Variants in DDX46 observed in about 807,000 individuals in gnomAD.
DDX46 encodes DEAD-box helicase 46.
A neutral mutation model predicts 134.9 loss-of-function variants in DDX46; 30 were observed. The ratio of observed to expected loss-of-function variants is 0.22; its 90% CI spans 0.17 to 0.30. The LOEUF (loss-of-function observed/expected upper bound fraction) is 0.30. Ranked by LOEUF, DDX46 falls within the 10% of genes least tolerant of loss-of-function variation. The pLI is 1.00. For missense variants in DDX46, 622 were observed against 1,248.7 expected, an observed-to-expected ratio of 0.50 and a Z score of 7.56; for synonymous variants, 415 against 404.1, an observed-to-expected ratio of 1.03 and a Z score of -0.32.
intron 21 of DDX46, among the ~76,000 whole-genome samples, chr5:134,819,706 TG>T (rs1055782421): frequency 1.1e-4 from 17 of 151,952 alleles, no homozygotes; most frequent in Non-Finnish European, 1.9e-4. Flanking sequence ...TTTTTTTTTT[TG>T]TCTTTTTGTA....
intron 15 of DDX46, among the ~76,000 whole-genome samples, chr5:134,805,426 A>G (rs1434933080): frequency 6.6e-6 from 1 of 152,064 alleles, no homozygotes; most frequent in African/African-American, 2.4e-5. Context: ...TCGGCCTCCC[A>G]AAGTGCTGGA....
chr5:134,795,248 A>T (rs971146200), intron 14 of DDX46, among the ~76,000 whole-genome samples: 2 of 139,160 alleles, frequency 1.4e-5, no homozygotes, highest in Non-Finnish European at 3.0e-5. Flanking sequence ...GCAGTGGTGC[A>T]TGCCTGAAGT....
chr5:134,760,830 C>T (rs1201900846), intron 1 of DDX46, among the ~76,000 whole-genome samples: 1 of 151,938 alleles, frequency 6.6e-6, no homozygotes, highest in Non-Finnish European at 1.5e-5. Context: ...CCAGGGTTCA[C>T]GCCATTCTCC....
intron 18 of DDX46, 116 bp from the exon 19 acceptor site, chr5:134,816,314 T>C (rs1755286862): frequency 3.2e-6 from 3 of 946,652 alleles, no homozygotes; most frequent in Non-Finnish European, 1.5e-6. Context: ...TGTGTAAATA[T>C]AACTATCTGA....
chr5:134,817,351 A>C, intron 19 of DDX46, 145 bp from the exon 20 acceptor site: 2 of 727,652 alleles, frequency 2.7e-6, no homozygotes. Flanking sequence ...TAAATCACAC[A>C]TATCAATGAG....
At chr5:134,804,839 TA>T in intron 15 of DDX46, 1 of 418,706 alleles carries the variant, frequency 2.4e-6, no homozygotes. Context: ...TGTTCCTTGA[TA>T]AGGAAAGCAT....
At chr5:134,766,370 C>T (rs1753567705) in intron 2 of DDX46, among the ~76,000 whole-genome samples, 1 of 152,014 alleles carries the variant, frequency 6.6e-6, no homozygotes, top group Admixed American at 6.6e-5. Flanking sequence ...CCAGCCTGAC[C>T]AACATGGAGA....
At chr5:134,798,769 A>G (rs966552321) in intron 15 of DDX46, among the ~76,000 whole-genome samples, 3 of 152,184 alleles carry the variant, frequency 2.0e-5, no homozygotes, top group African/African-American at 7.2e-5. Flanking sequence ...TTCACTTAGC[A>G]AAATGCTTTC....
At chr5:134,789,304 T>C (rs1301197277) in intron 12 of DDX46, 3 of 152,200 alleles carry the variant, frequency 2.0e-5, no homozygotes, top group Non-Finnish European at 4.4e-5. Context: ...GCAAAACTAA[T>C]TGGGGCTACA....
rs1179453765 is a variant in DDX46 at position 134,763,918 on chromosome 5, G to A, written c.32G>A (p.Arg11Gln). Residue 11 changes from arginine to glutamine, a missense_variant, in exon 2 of 23, where the codon CGA (arginine) becomes CAA (glutamine). Transcript: ENST00000452510. ...TATTGTTCTAGCCACTATCGAAAAC[G>A]ATCGGCATCCCGGGGTCGCTCTGGA... is the stretch of plus-strand genomic sequence containing the variant. MGRESRHYRK[R>Q]SASRGRSGSR... 2 of 1,613,904 alleles carry A rather than the reference G, an allele frequency of 1.2e-6. No homozygotes were observed.
chr5:134,812,117 T>C (rs2150156850), intron 18 of DDX46, among the ~76,000 whole-genome samples: 1 of 137,658 alleles, frequency 7.3e-6, no homozygotes, highest in East Asian at 2.2e-4. Flanking sequence ...CAGGCTGGAG[T>C]ACGGTGGCGT....
At chr5:134,797,191 A>G (rs953125869) in intron 15 of DDX46, 1 of 290,284 alleles carries the variant, frequency 3.4e-6, no homozygotes, top group African/African-American at 2.3e-5. Context: ...AAAAAAAAAA[A>G]AAAAAACACA....
At position 134,811,310 on chromosome 5, in the gene DDX46, T is replaced by C; in HGVS notation, c.2238T>C (p.Pro746=). The change falls in exon 17 of 23, where the codon CCT becomes CCC. Residue 746 remains proline, a synonymous_variant. Coordinates refer to ENST00000452510, the MANE Select transcript of DDX46 (RefSeq NM_001300860.2). ...TTGAATTGTCAGGGACTGCAGTACC[T>C]CCTGATTTAGAGAAACTGTGGAGTG... The part of the protein sequence containing the change: ...KALELSGTAV[P]PDLEKLWSDF... The C allele has an allele frequency of 6.2e-7, 1 of 1,614,086 alleles. No individual in the cohort carries two copies. Among genetic ancestry groups the C allele is most frequent in the African/African-American group, 1.3e-5 (1 of 75,048 alleles).
intron 1 of DDX46, among the ~76,000 whole-genome samples, chr5:134,763,699 C>G (rs112665833): frequency 5.3e-5 from 8 of 152,188 alleles, no homozygotes; most frequent in African/African-American, 1.7e-4. Flanking sequence ...GTCCTTGCCT[C>G]TCTTTCAAGA....
intron 1 of DDX46, 64 bp downstream of exon 1, chr5:134,759,019 G>A (rs1753291713): frequency 6.3e-7 from 1 of 1,594,092 alleles, no homozygotes; most frequent in African/African-American, 1.3e-5. Context: ...GAAGAGGCGG[G>A]AGTTGAGGTG....
chr5:134,811,605 A>T (rs1446325153), intron 17 of DDX46, 91 bp from the exon 18 acceptor site: 3 of 1,394,180 alleles, frequency 2.2e-6, no homozygotes, highest in Non-Finnish European at 2.9e-6. Flanking sequence ...TTACATTGAC[A>T]TACACCACCT....
At chr5:134,827,643 G>A (rs769467895) in intron 22 of DDX46, among the ~76,000 whole-genome samples, 7 of 152,094 alleles carry the variant, frequency 4.6e-5, no homozygotes, top group Admixed American at 3.3e-4. Context: ...GTAATCATGC[G>A]TTTGCACCTT....
intron 14 of DDX46, among the ~76,000 whole-genome samples, 180 bp downstream of exon 14, chr5:134,795,194 T>TA (rs1754614409): frequency 6.6e-6 from 1 of 150,892 alleles, no homozygotes; most frequent in African/African-American, 2.5e-5. Context: ...CGGAGCTATT[T>TA]AAAATGCTTG....
At chr5:134,814,606 CTTGGGGTTTTG>C (rs1227776102) in intron 18 of DDX46, among the ~76,000 whole-genome samples, 2 of 151,992 alleles carry the variant, frequency 1.3e-5, no homozygotes, top group East Asian at 3.9e-4. Context: ...TTGGTGTTTT[CTTGGGGTTTTG>C]TTTTGTTTTG....
Sources: gnomAD v4.1 joint callset for allele counts (sites outside exome capture counted in the v4.1 genomes callset) on GRCh38, gnomAD v4.1.1 for gene constraint, MANE v1.5 for transcripts, NCBI Gene and HGNC (gene_info 2026-07-23, HGNC 2026-07-21) for gene names.